The following LPIN1 variants were observed in gnomAD, a reference collection of about 807,000 sequenced individuals.
The protein encoded by LPIN1 is lipin 1.
LPIN1 carries 71 observed loss-of-function variants against 107.5 expected under a neutral mutation model. The ratio of observed to expected loss-of-function variants is 0.66; its 90% CI spans 0.55 to 0.80. LPIN1 has a LOEUF of 0.80. Ranked by LOEUF, LPIN1 falls within the 30% of genes least tolerant of loss-of-function variation. The probability of loss-of-function intolerance (pLI) is 0.00; values close to 1 mark genes in which losing one functional copy is unlikely to be tolerated. For synonymous variants in LPIN1, 445 were observed against 452.6 expected, an observed-to-expected ratio of 0.98 and a Z score of 0.21; for missense variants, 1,043 against 1,160.6, an observed-to-expected ratio of 0.90 and a Z score of 1.47.
chr2:11,730,714 C>T (rs968586746), intron 1 of LPIN1, among the ~76,000 whole-genome samples: 3 of 152,074 alleles, frequency 2.0e-5, no homozygotes, highest in Non-Finnish European at 4.4e-5. Flanking sequence ...AGAAGTTGGG[C>T]TAGGTTTGAA....
In LPIN1 at chr2:11,774,026, T is replaced by C. The variant is rs574912983; in HGVS notation, c.722+281T>C. Among the ~76,000 whole-genome samples, 8 of 152,326 alleles carry C rather than the reference T, an allele frequency of 5.3e-5. No individual in the cohort carries two copies. In the East Asian group the frequency reaches 1.5e-3, roughly 29 times the overall value. ...TAAATTACATCATGCTAATTGTTAA[T>C]AGGAGAAAACACAGTGGCAGAGCCT... On this transcript the variant is annotated intron_variant, in intron 5 of 20. Transcript: ENST00000674199. The surrounding 1 kb of genome is among the most constrained non-coding windows in gnomAD (Gnocchi z 4.4).
At position 11,732,629 on chromosome 2, in the gene LPIN1, T is replaced by C. The variant is rs6723479; in HGVS notation, c.-72+8090T>C. Among the ~76,000 whole-genome samples, 788 of 152,342 alleles carry C rather than the reference T, an allele frequency of 5.2e-3. 7 individuals are homozygous for C. The highest frequency in any genetic ancestry group is 0.018 in the African/African-American group (739 of 41,568). ...TCAATTAATAAATGTAAGCTCCTTT[T>C]GTAAATTGCTGTCAGGCCAAAGGAC... On this transcript the variant is annotated intron_variant, in intron 1 of 21. Coordinates refer to the LPIN1 transcript ENST00000396097.
chr2:11,741,365 A>C, exon 2 of LPIN1: 1 of 1,549,110 alleles, frequency 6.5e-7, no homozygotes, highest in South Asian at 1.2e-5. Flanking sequence ...CTGAAGCGTG[A>C]GCTGCCAGAA....
At chr2:11,795,715 A>G (rs2148682459) in intron 14 of LPIN1, among the ~76,000 whole-genome samples, 1 of 152,354 alleles carries the variant, frequency 6.6e-6, no homozygotes, top group East Asian at 1.9e-4. Flanking sequence ...CTTTAGTGAG[A>G]TAATATAACT....
In LPIN1 at chr2:11,767,787, T is replaced by G. The variant is rs1671166560; in HGVS notation, c.217T>G (p.Ser73Ala). ...KVVDIEINGE[S>A]VDLHMKLGDN... ...GGTTGACATAGAAATCAATGGGGAA[T>G]CTGTGGATTTGCATATGAAATTGGG... The change falls in exon 3 of 21, where the codon TCT becomes GCT. Residue 73 changes from serine to alanine, a missense_variant. By Grantham distance (99) the Ser-to-Ala change is moderately conservative. Coordinates refer to ENST00000674199, the MANE Select transcript of LPIN1 (RefSeq NM_001349206.2). 1 of 1,611,668 alleles carries G rather than the reference T, an allele frequency of 6.2e-7. No homozygotes were observed. The highest frequency in any genetic ancestry group is 1.3e-5 in the African/African-American group (1 of 74,996).
At chr2:11,793,925 T>C (rs950719335) in intron 13 of LPIN1, among the ~76,000 whole-genome samples, 2 of 152,170 alleles carry the variant, frequency 1.3e-5, no homozygotes, top group Non-Finnish European at 2.9e-5. Flanking sequence ...TCAGCAAATA[T>C]TTGTTGAGGG....
chr2:11,784,148 A>G (rs1167851338), intron 9 of LPIN1: 3 of 802,630 alleles, frequency 3.7e-6, no homozygotes, highest in Non-Finnish European at 3.6e-6. Context: ...TACTGAAAAT[A>G]CCAAAATTGG....
upstream of LPIN1, among the ~76,000 whole-genome samples, chr2:11,744,647 T>G (rs1007308296): frequency 3.9e-5 from 6 of 152,194 alleles, no homozygotes; most frequent in Admixed American, 6.5e-5. Flanking sequence ...ATGGACTTAT[T>G]TTACACAAAA....
rs1212402423 is a variant in LPIN1, at chr2:11,786,751, A to G, written c.1550-323A>G. Among the ~76,000 whole-genome samples, 1 of 152,146 alleles carries G rather than the reference A, an allele frequency of 6.6e-6. No individual in the cohort carries two copies. Among genetic ancestry groups the G allele is most frequent in the Non-Finnish European group, 1.5e-5 (1 of 68,020 alleles). On this transcript the variant is annotated intron_variant, in intron 10 of 20. Transcript: ENST00000674199. This position sits in a 1 kb window ranked among gnomAD's most constrained non-coding sequence, Gnocchi z 4.1. ...GCCGAGGGAGCCTGGCTTCTGCGCC[A>G]TGCGTAGCCATGACTCTGCCTGTGC...
At chr2:11,710,811 A>G (rs1663369150) in intron 1 of LPIN1, among the ~76,000 whole-genome samples, 1 of 152,048 alleles carries the variant, frequency 6.6e-6, no homozygotes, top group South Asian at 2.1e-4. Flanking sequence ...GCTTGATGCC[A>G]GAATCCAAAT....
At chr2:11,795,319 G>T in intron 13 of LPIN1, 89 bp from the exon 14 acceptor site, 1 of 1,060,160 alleles carries the variant, frequency 9.4e-7, no homozygotes, top group East Asian at 2.4e-5. Flanking sequence ...TAGGGGTCCT[G>T]CCTTAAGGAA....
chr2:11,760,496 A>G (rs186678686), intron 1 of LPIN1, among the ~76,000 whole-genome samples: 168 of 152,378 alleles, frequency 1.1e-3, no homozygotes, highest in Non-Finnish European at 1.9e-3. Flanking sequence ...CCCGGCCAAC[A>G]CAGTGAAACC....
intron 6 of LPIN1, chr2:11,777,599 G>A (rs529181064): frequency 6.6e-6 from 1 of 152,294 alleles, no homozygotes; most frequent in South Asian, 2.1e-4. Context: ...TAGGCAGTTG[G>A]TTTACATACT....
chr2:11,759,679 C>G (rs1225629889), intron 1 of LPIN1, among the ~76,000 whole-genome samples: 1 of 152,256 alleles, frequency 6.6e-6, no homozygotes, highest in African/African-American at 2.4e-5. Context: ...ATGGCCCGTT[C>G]TCAATGAGCT....
chr2:11,704,689 A>G (rs763032126), intron 1 of LPIN1, among the ~76,000 whole-genome samples: 29 of 152,190 alleles, frequency 1.9e-4, no homozygotes, highest in Non-Finnish European at 3.8e-4. Context: ...CTCAGGGACA[A>G]TGAGGCCAAG....
In LPIN1 at chr2:11,785,084, G is replaced by A. The variant is rs1176136466; in HGVS notation, c.1549+8G>A. ...ACCGGGAGATCACGAAAGGTACCGC[G>A]GGCCTCGCGCGGGCGCCCTCTGGTG... On this transcript the variant is annotated splice_region_variant and intron_variant, in intron 10 of 20. Transcript: ENST00000674199. 26 of 1,547,724 alleles carry A rather than the reference G, an allele frequency of 1.7e-5. No individual in the cohort carries two copies. The highest frequency in any genetic ancestry group is 2.0e-5 in the Non-Finnish European group (23 of 1,151,052).
chr2:11,735,970 C>T (rs1373822575), intron 1 of LPIN1, among the ~76,000 whole-genome samples: 1 of 152,226 alleles, frequency 6.6e-6, no homozygotes, highest in African/African-American at 2.4e-5. Context: ...TCACAGGTTG[C>T]ACAGTGTCTT....
At chr2:11,798,465 A>G (rs550330367) in intron 14 of LPIN1, among the ~76,000 whole-genome samples, 1 of 152,114 alleles carries the variant, frequency 6.6e-6, no homozygotes, top group African/African-American at 2.4e-5. Flanking sequence ...ATACTTCTGC[A>G]GCTCTTCCCA....
chr2:11,760,367 G>A (rs545646563), intron 1 of LPIN1, among the ~76,000 whole-genome samples: 1 of 152,182 alleles, frequency 6.6e-6, no homozygotes, highest in East Asian at 1.9e-4. Context: ...CCGAGATCAC[G>A]TCACTGCACT....
Sources: allele counts gnomAD v4.1 joint callset (sites outside exome capture counted in the v4.1 genomes callset), GRCh38; gene constraint gnomAD v4.1.1; non-coding constraint Gnocchi (gnomAD v3.1); transcripts MANE v1.5; gene names NCBI Gene and HGNC (gene_info 2026-07-23, HGNC 2026-07-21).